NRXN1: variants seen among roughly 807,000 people sequenced by gnomAD.
NRXN1 encodes neurexin-1.
Under a neutral mutation model 150.9 loss-of-function variants are expected in NRXN1, and 39 were observed. The ratio of observed to expected loss-of-function variants is 0.26; its 90% CI spans 0.20 to 0.34. The LOEUF (loss-of-function observed/expected upper bound fraction) is 0.34, where lower values mean the gene tolerates loss of function less well. Among genes scored for constraint, NRXN1 ranks in the 10% least tolerant of loss-of-function variants. NRXN1 has a pLI of 1.00. For missense variants in NRXN1, 1,815 were observed against 1,949.9 expected (o/e 0.93, Z 1.30); for synonymous variants, 924 against 757.0 (o/e 1.22, Z -3.62).
At chr2:50,883,004 T>C (rs1279673003) in intron 5 of NRXN1, among the ~76,000 whole-genome samples, 1 of 151,894 alleles carries the variant, frequency 6.6e-6, no homozygotes, top group East Asian at 1.9e-4. Context: ...TAGTAGCGAA[T>C]GTTAACACAA....
intron 21 of NRXN1, among the ~76,000 whole-genome samples, chr2:50,005,388 T>A (rs1684595160): frequency 6.6e-6 from 1 of 152,174 alleles, no homozygotes; most frequent in African/African-American, 2.4e-5. Context: ...GAAGACAACT[T>A]GCTCCAATTC....
chr2:50,151,178 GACTTC>G (rs906651366), intron 18 of NRXN1, among the ~76,000 whole-genome samples: 1 of 151,656 alleles, frequency 6.6e-6, no homozygotes, highest in Non-Finnish European at 1.5e-5. Context: ...CCGAGGGCTG[GACTTC>G]ACCACTCTTC....
At chr2:50,851,632 T>C (rs542831399) in intron 5 of NRXN1, among the ~76,000 whole-genome samples, 118 of 152,224 alleles carry the variant, frequency 7.8e-4, no homozygotes, top group African/African-American at 2.7e-3. Context: ...AAATTTGCAA[T>C]TGAGTGTGGC....
In NRXN1 at chr2:50,918,290, C is replaced by T. The variant is rs533174652; in HGVS notation, c.832+3579G>A. On this transcript the variant is annotated intron_variant, in intron 5 of 22. Transcript: ENST00000401669. ...AAAATGGACAGTTGAAACCACCGCC[C>T]CCAAACAAATACATTTAAGTCATGA... The T allele has an allele frequency of 8.3e-5, 16 of 192,028 alleles. No homozygotes were observed. The Admixed American group carries it at 9.1e-4, about 11-fold the overall frequency. 11.9% of individuals were successfully genotyped at this position (192,028 alleles called of 1,614,324 possible).
At chr2:50,385,416 G>T (rs10188771) in intron 17 of NRXN1, among the ~76,000 whole-genome samples, 5,013 of 152,200 alleles carry the variant, frequency 0.033, 198 homozygotes, top group East Asian at 0.11. Flanking sequence ...ATTCAGTACT[G>T]CCAGAAAGCA....
chr2:50,400,575 G>A (rs1386223325), intron 17 of NRXN1, among the ~76,000 whole-genome samples: 1 of 152,070 alleles, frequency 6.6e-6, no homozygotes, highest in East Asian at 1.9e-4. Flanking sequence ...AAAACCACAA[G>A]GCACTAGACC....
intron 5 of NRXN1, among the ~76,000 whole-genome samples, chr2:50,702,527 A>T (rs1044829112): frequency 3.3e-5 from 5 of 149,510 alleles, no homozygotes; most frequent in Non-Finnish European, 7.4e-5. Context: ...AATTTTCTGT[A>T]TGCACATAAA....
intron 18 of NRXN1, among the ~76,000 whole-genome samples, chr2:50,201,920 T>C (rs2062195816): frequency 6.6e-6 from 1 of 152,190 alleles, no homozygotes; most frequent in African/African-American, 2.4e-5. Context: ...TTACCTGTAT[T>C]TAAAAGTTTT....
chr2:50,036,202 TC>T (rs1181589010), intron 21 of NRXN1, among the ~76,000 whole-genome samples: 1 of 152,084 alleles, frequency 6.6e-6, no homozygotes, highest in African/African-American at 2.4e-5. Context: ...GTCTCCCCCA[TC>T]TTGTTCTCAT....
At chr2:50,852,397 T>A (rs993456904) in intron 5 of NRXN1, among the ~76,000 whole-genome samples, 2 of 152,214 alleles carry the variant, frequency 1.3e-5, no homozygotes, top group Non-Finnish European at 2.9e-5. Context: ...TCTTATTTCA[T>A]TTTCTTTTGT....
intron 18 of NRXN1, among the ~76,000 whole-genome samples, chr2:50,142,015 G>T (rs1328378362): frequency 1.3e-5 from 2 of 151,968 alleles, no homozygotes; most frequent in African/African-American, 4.8e-5. Context: ...CATGTTTGTT[G>T]CAGTAATATT....
intron 17 of NRXN1, among the ~76,000 whole-genome samples, chr2:50,327,945 G>A (rs1262300228): frequency 3.3e-5 from 5 of 151,694 alleles, no homozygotes; most frequent in Admixed American, 2.0e-4. Flanking sequence ...CACTGTGCCC[G>A]GCCACTTCTT....
intron 5 of NRXN1, among the ~76,000 whole-genome samples, chr2:50,828,124 C>A (rs1352588628): frequency 2.6e-5 from 4 of 151,058 alleles, no homozygotes; most frequent in Non-Finnish European, 3.0e-5. Context: ...TGTTGGGTAC[C>A]CCTCCCAGAC....
intron 17 of NRXN1, among the ~76,000 whole-genome samples, chr2:50,313,460 G>C (rs1172399288): frequency 1.3e-5 from 2 of 152,110 alleles, no homozygotes. Flanking sequence ...ACTTCAAGCA[G>C]TCTCCCTGCC....
At chr2:50,354,549 GCATA>G (rs1184539615) in intron 17 of NRXN1, among the ~76,000 whole-genome samples, 39 of 72,514 alleles carry the variant, frequency 5.4e-4, no homozygotes, top group Non-Finnish European at 7.0e-4. Context: ...CGTCTAGAGT[GCATA>G]CATATATATA....
At chr2:50,770,787 G>C (rs568701427) in intron 5 of NRXN1, among the ~76,000 whole-genome samples, 6 of 152,068 alleles carry the variant, frequency 3.9e-5, no homozygotes, top group Non-Finnish European at 8.8e-5. Context: ...ATAGAGACTG[G>C]TAGAGAGAGA....
At chr2:50,996,887 G>A (rs1010525341) in intron 2 of NRXN1, among the ~76,000 whole-genome samples, 10 of 152,024 alleles carry the variant, frequency 6.6e-5, no homozygotes, top group African/African-American at 9.7e-5. Flanking sequence ...AAACTCGTGA[G>A]GGGGGAGTAA....
intron 17 of NRXN1, among the ~76,000 whole-genome samples, chr2:50,406,907 A>G (rs978684978): frequency 6.7e-6 from 1 of 149,306 alleles, no homozygotes; most frequent in Non-Finnish European, 1.5e-5. Context: ...TTTAAAGCTC[A>G]ATTTTTTGCA....
intron 5 of NRXN1, among the ~76,000 whole-genome samples, chr2:50,821,971 A>G (rs149510837): frequency 1.2e-3 from 178 of 152,274 alleles, no homozygotes; most frequent in Middle Eastern, 6.8e-3. Context: ...AAAAGGACGT[A>G]TACTCACAGG....
Sources: gnomAD v4.1 joint callset for allele counts (sites outside exome capture counted in the v4.1 genomes callset) on GRCh38, gnomAD v4.1.1 for gene constraint, MANE v1.5 for transcripts, NCBI Gene and HGNC (gene_info 2026-07-23, HGNC 2026-07-21) for gene names.